The following PCDH9 variants were observed in gnomAD, a reference collection of about 807,000 sequenced individuals.
PCDH9 encodes protocadherin-9.
In PCDH9, 24 loss-of-function variants were observed where a neutral mutation model predicts 70.6. The observed-to-expected ratio is 0.34, with a 90% confidence interval of 0.25 to 0.48. PCDH9 has a LOEUF of 0.48. Among genes scored for constraint, PCDH9 ranks in the 20% least tolerant of loss-of-function variants. The pLI, the probability that PCDH9 is intolerant of heterozygous loss-of-function variation, is 0.99. For synonymous variants in PCDH9, 562 were observed against 558.5 expected, an observed-to-expected ratio of 1.01 and a Z score of -0.09; for missense variants, 1,281 against 1,503.6, an observed-to-expected ratio of 0.85 and a Z score of 2.45.
At chr13:67,190,504 C>CA (rs1211627618) in intron 2 of PCDH9, among the ~76,000 whole-genome samples, 1 of 151,818 alleles carries the variant, frequency 6.6e-6, no homozygotes, top group African/African-American at 2.4e-5. Flanking sequence ...GGAAACTGAG[C>CA]AATTAATGAA....
chr13:66,877,414 C>A (rs1161969264), intron 3 of PCDH9, among the ~76,000 whole-genome samples: 1 of 148,870 alleles, frequency 6.7e-6, no homozygotes, highest in Non-Finnish European at 1.5e-5. Context: ...TTTTTTTAAA[C>A]CTCAAACTTT....
intron 4 of PCDH9, among the ~76,000 whole-genome samples, chr13:66,444,275 T>C (rs1407768384): frequency 1.3e-5 from 2 of 152,214 alleles, no homozygotes; most frequent in African/African-American, 4.8e-5. Context: ...AATTACTCTG[T>C]TGGCCAGTAA....
chr13:66,852,595 C>A (rs1219249942), intron 3 of PCDH9, among the ~76,000 whole-genome samples: 1 of 152,160 alleles, frequency 6.6e-6, no homozygotes, highest in Admixed American at 6.5e-5. Context: ...CAAAGTGACA[C>A]CCTTCTTACC....
chr13:67,076,963 G>A (rs1362870161), intron 2 of PCDH9, among the ~76,000 whole-genome samples: 1 of 152,066 alleles, frequency 6.6e-6, no homozygotes, highest in Non-Finnish European at 1.5e-5. Flanking sequence ...TACAAAATCT[G>A]AACTCTTCCC....
At position 66,798,986 on chromosome 13, in the gene PCDH9, T is replaced by G. The variant is rs138376188; in HGVS notation, c.3138+104518A>C. On this transcript the variant is annotated intron_variant, in intron 3 of 4. Transcript: ENST00000377865. ...GTGCCACCAGGTCCAGTTAATTTTT[T>G]GTATTTTTAGTAGAGACGGGGTTTC... Among the ~76,000 whole-genome samples, 8 of 152,198 alleles carry G rather than the reference T, an allele frequency of 5.3e-5. No homozygotes were observed. The East Asian group carries it at 1.5e-3, about 29-fold the overall frequency.
chr13:66,570,599 A>G (rs1244710790), intron 4 of PCDH9, among the ~76,000 whole-genome samples: 1 of 152,156 alleles, frequency 6.6e-6, no homozygotes, highest in African/African-American at 2.4e-5. Flanking sequence ...ATCTTCAATT[A>G]TATCTATTAA....
rs796998495 is a variant in PCDH9 at position 66,793,629 on chromosome 13, C to CT, written c.3138+109874dup. On this transcript the variant is annotated intron_variant, in intron 3 of 4. Transcript: ENST00000377865. ...ATAATATGGTTTATTGGTCCATCAC[C>CT]TTTTTCTCTCTTTCTAGAAAAAAAC... Among the ~76,000 whole-genome samples, 74 of 152,102 alleles carry CT rather than the reference C, an allele frequency of 4.9e-4. 1 individual carries two copies. The highest frequency in any genetic ancestry group is 1.8e-3 in the African/African-American group (73 of 41,520).
At chr13:66,475,404 C>T (rs1239639748) in intron 4 of PCDH9, among the ~76,000 whole-genome samples, 1 of 152,030 alleles carries the variant, frequency 6.6e-6, no homozygotes, top group Admixed American at 6.6e-5. Flanking sequence ...ACATACTATT[C>T]AATTCATAAA....
chr13:66,732,832 C>T lies in PCDH9; in HGVS notation c.3139-101421G>A, dbSNP rs114160343. ...TCACAACTTCAAAATATTCCCCAACCTGGGATCTATGAGAGATATTTTATG... is the reference window on the plus strand; with the variant it reads ...TCACAACTTCAAAATATTCCCCAACTTGGGATCTATGAGAGATATTTTATG... On this transcript the variant is annotated intron_variant, in intron 3 of 4. Coordinates refer to ENST00000377865, the MANE Select transcript of PCDH9 (RefSeq NM_203487.3). 8.3e-3 allele frequency among the ~76,000 whole-genome samples: 1,255 copies of T among 152,006 alleles called. 15 individuals carry two copies. Among genetic ancestry groups the T allele is most frequent in the African/African-American group, 0.028 (1,176 of 41,504 alleles).
At position 66,636,345 on chromosome 13, in the gene PCDH9, C is replaced by A. The variant is rs186822070; in HGVS notation, c.3139-4934G>T. Reference sequence around the variant, plus strand: ...GGGTTTTCCCTTGAGCTAAGGTATGCCAAACAATCTTCTGATCTCTTTTCT... The same window carrying A: ...GGGTTTTCCCTTGAGCTAAGGTATGACAAACAATCTTCTGATCTCTTTTCT... On this transcript the variant is annotated intron_variant, in intron 3 of 4. Coordinates refer to ENST00000377865, the MANE Select transcript of PCDH9 (RefSeq NM_203487.3). Among the ~76,000 whole-genome samples the A allele has an allele frequency of 1.8e-3, 273 of 152,128 alleles. 1 individual carries two copies. The highest frequency in any genetic ancestry group is 2.5e-3 in the Non-Finnish European group (171 of 67,938).
intron 3 of PCDH9, among the ~76,000 whole-genome samples, chr13:66,729,271 C>A (rs529509858): frequency 1.3e-5 from 2 of 152,066 alleles, no homozygotes; most frequent in Non-Finnish European, 2.9e-5. Context: ...ATGTTTAATC[C>A]TCCATTTCTT....
At chr13:66,637,320 T>G (rs1025403185) in intron 3 of PCDH9, among the ~76,000 whole-genome samples, 1 of 152,190 alleles carries the variant, frequency 6.6e-6, no homozygotes, top group Non-Finnish European at 1.5e-5. Context: ...TTCATTCATG[T>G]TTGAAAGATG....
At chr13:66,741,030 C>A (rs2079256026) in intron 3 of PCDH9, among the ~76,000 whole-genome samples, 1 of 42,924 alleles carries the variant, frequency 2.3e-5, no homozygotes. Flanking sequence ...CGGGCAGAGA[C>A]ACAACCAAAA....
intron 3 of PCDH9, among the ~76,000 whole-genome samples, chr13:66,890,491 A>G (rs1192660816): frequency 1.4e-5 from 2 of 146,718 alleles, no homozygotes; most frequent in East Asian, 2.0e-4. Context: ...TTTACTCTAG[A>G]AAACTTGCAA....
intron 2 of PCDH9, among the ~76,000 whole-genome samples, chr13:67,165,477 T>G (rs2088086512): frequency 6.6e-6 from 1 of 152,150 alleles, no homozygotes; most frequent in Non-Finnish European, 1.5e-5. Context: ...ATTCCAATAC[T>G]TACCTCATTT....
chr13:66,390,993 A>G (rs1292982625), intron 4 of PCDH9, among the ~76,000 whole-genome samples: 1 of 152,138 alleles, frequency 6.6e-6, no homozygotes, highest in African/African-American at 2.4e-5. Context: ...AGTCCTGTAG[A>G]GTTTTTGTTT....
intron 2 of PCDH9, among the ~76,000 whole-genome samples, chr13:67,029,062 C>T (rs2084851968): frequency 6.6e-6 from 1 of 151,692 alleles, no homozygotes; most frequent in Admixed American, 6.6e-5. Flanking sequence ...ACTGGTTATG[C>T]AAAAAAATAA....
intron 3 of PCDH9, among the ~76,000 whole-genome samples, chr13:66,691,593 A>T (rs1173584309): frequency 6.6e-6 from 1 of 152,180 alleles, no homozygotes; most frequent in Non-Finnish European, 1.5e-5. Flanking sequence ...AAATAAACAT[A>T]GATGCCTTTG....
At chr13:66,889,565 T>A (rs1224629711) in intron 3 of PCDH9, among the ~76,000 whole-genome samples, 1 of 152,156 alleles carries the variant, frequency 6.6e-6, no homozygotes, top group Admixed American at 6.5e-5. Flanking sequence ...GTTAATAAGA[T>A]ACATAAAGCA....
Sources: allele counts gnomAD v4.1 joint callset (sites outside exome capture counted in the v4.1 genomes callset), GRCh38; gene constraint gnomAD v4.1.1; transcripts MANE v1.5; gene names NCBI Gene and HGNC (gene_info 2026-07-23, HGNC 2026-07-21).